SLC17A2: variants seen among roughly 807,000 people sequenced by gnomAD.
SLC17A2 encodes sodium-dependent phosphate transport protein 3.
SLC17A2 carries 38 observed loss-of-function variants against 52.1 expected under a neutral mutation model. The observed-to-expected ratio is 0.73, with a 90% CI of 0.56 to 0.96. The LOEUF (loss-of-function observed/expected upper bound fraction) is 0.96. SLC17A2 is among the 40% of genes least tolerant of loss of function. SLC17A2 has a pLI of 0.00. For missense variants in SLC17A2, 508 were observed against 583.9 expected, an observed-to-expected ratio of 0.87 and a Z score of 1.34; for synonymous variants, 226 against 211.9, an observed-to-expected ratio of 1.07 and a Z score of -0.58.
At position 25,916,665 on chromosome 6, in the gene SLC17A2, A is replaced by T; in HGVS notation, c.930+20T>A. On this transcript the variant is annotated intron_variant, in intron 8 of 11. Coordinates refer to ENST00000377850, the MANE Select transcript of SLC17A2 (RefSeq NM_001286123.3). ...TTATTACCATTATCATTTTCGTAGA[A>T]GTATAGGAAGTAAACTCACATCTCT... 6.3e-7 allele frequency: 1 copy of T among 1,591,738 alleles called. No individual in the cohort carries two copies. Among genetic ancestry groups the T allele is most frequent in the South Asian group, 1.1e-5 (1 of 90,522 alleles).
chr6:25,915,098 G>A (rs892746263), intron 10 of SLC17A2, among the ~76,000 whole-genome samples: 2 of 142,694 alleles, frequency 1.4e-5, no homozygotes, highest in African/African-American at 5.2e-5. Flanking sequence ...GTGAGGATTA[G>A]ATGTGTTGAT....
chr6:25,922,917 C>T (rs1437254877), intron 3 of SLC17A2, among the ~76,000 whole-genome samples: 1 of 152,130 alleles, frequency 6.6e-6, no homozygotes, highest in East Asian at 1.9e-4. Context: ...ACAGCAGAGC[C>T]TGGCACAGTG....
intron 1 of SLC17A2, among the ~76,000 whole-genome samples, chr6:25,927,390 T>G (rs1361579356): frequency 1.3e-5 from 2 of 152,208 alleles, no homozygotes; most frequent in East Asian, 3.9e-4. Flanking sequence ...AGAAAAATGC[T>G]AGTACTCTAG....
intron 8 of SLC17A2, among the ~76,000 whole-genome samples, chr6:25,916,431 T>C (rs544971600): frequency 1.3e-5 from 2 of 152,272 alleles, no homozygotes; most frequent in South Asian, 2.1e-4. Flanking sequence ...TGTGGTAGTA[T>C]AGCATAGTGG....
chr6:25,923,186 C>T (rs1283923514), intron 3 of SLC17A2, among the ~76,000 whole-genome samples: 8 of 150,062 alleles, frequency 5.3e-5, no homozygotes, highest in Non-Finnish European at 9.0e-5. Flanking sequence ...GACTCTATCT[C>T]AAAAAACAAA....
intron 10 of SLC17A2, among the ~76,000 whole-genome samples, chr6:25,915,177 A>ATGTATATATATATATATATATATATATG (rs373318867): frequency 9.3e-6 from 1 of 108,028 alleles, no homozygotes; most frequent in South Asian, 2.8e-4. Context: ...ATATATATAT[A>ATGTATATATATATATATATATATATATG]TGGTAGCTAA....
In SLC17A2 at chr6:25,923,880, C is replaced by T; in HGVS notation, c.55G>A (p.Gly19Arg). ...KGPDFCSLRY[G>R]LALIMHFSNF... ...GAGAAGTGCATGATAAGAGCCAGCC[C>T]ATAGCGTAATGAACAGAAATCTGGA... Residue 19 changes from glycine (G) to arginine (R), a missense_variant, in exon 3 of 12, where the codon GGG becomes AGG. Coordinates refer to ENST00000377850, the MANE Select transcript of SLC17A2 (RefSeq NM_001286123.3). 2 of 1,614,158 alleles carry T rather than the reference C, an allele frequency of 1.2e-6. No homozygotes were observed. The highest frequency in any genetic ancestry group is 1.7e-6 in the Non-Finnish European group (2 of 1,180,040).
chr6:25,930,352 T>C lies in SLC17A2; in HGVS notation c.-159A>G, dbSNP rs1306646111. 1 of 152,228 alleles carries C rather than the reference T, an allele frequency of 6.6e-6. No homozygotes were observed. The highest frequency in any genetic ancestry group is 1.5e-5 in the Non-Finnish European group (1 of 68,058). 9.4% of individuals were successfully genotyped at this position (152,228 alleles called of 1,614,324 possible). ...GCTTCTCAAGCCTTGCCCTAGGGTC[T>C]TCATTGAATCAGTTATCTTTTTCAG... On this transcript the variant is annotated 5_prime_UTR_variant, in exon 1 of 12. Coordinates refer to ENST00000377850, the MANE Select transcript of SLC17A2 (RefSeq NM_001286123.3).
intron 11 of SLC17A2, 32 bp from the exon 12 acceptor site, chr6:25,913,483 C>G: frequency 6.2e-7 from 1 of 1,608,182 alleles, no homozygotes; most frequent in Non-Finnish European, 8.5e-7. Context: ...AATGATCAAT[C>G]TCACAAGTTC....
Position 25,918,474 on chromosome 6 carries a change from G to C in SLC17A2, c.649+13C>G, listed in dbSNP as rs765963909. 5 of 1,592,556 alleles carry C rather than the reference G, an allele frequency of 3.1e-6. No homozygotes were observed. In the East Asian group the frequency reaches 8.9e-5, roughly 28 times the overall value. Reference sequence around the variant, plus strand: ...GAAATGGAGGCGTTAGGATTTAAGAGAAAGTGACTCACCAAAGATGTAGAA... The same window carrying C: ...GAAATGGAGGCGTTAGGATTTAAGACAAAGTGACTCACCAAAGATGTAGAA... On this transcript the variant is annotated intron_variant, in intron 6 of 11. Coordinates refer to ENST00000377850, the MANE Select transcript of SLC17A2 (RefSeq NM_001286123.3).
intron 11 of SLC17A2, 52 bp downstream of exon 11, chr6:25,914,528 A>G (rs1766226573): frequency 8.6e-7 from 1 of 1,159,470 alleles, no homozygotes; most frequent in African/African-American, 1.5e-5. Flanking sequence ...GTGTATCTCC[A>G]ACACCTAAAA....
chr6:25,916,877 T>C, intron 7 of SLC17A2, 31 bp from the exon 8 acceptor site: 2 of 1,613,718 alleles, frequency 1.2e-6, no homozygotes, highest in South Asian at 1.1e-5. Context: ...AGCATGAGTA[T>C]TAGAGCAGCC....
chr6:25,929,708 C>T (rs952656732), intron 1 of SLC17A2, among the ~76,000 whole-genome samples: 1 of 152,174 alleles, frequency 6.6e-6, no homozygotes, highest in African/African-American at 2.4e-5. Context: ...CTTAGCTGTA[C>T]AATGAGGGCA....
rs771600206 is a variant in SLC17A2 at position 25,915,784 on chromosome 6, T to G, written c.1015A>C (p.Arg339=). 65 of 1,614,048 alleles carry G rather than the reference T, an allele frequency of 4.0e-5. No individual in the cohort carries two copies. The highest frequency in any genetic ancestry group is 4.6e-5 in the Non-Finnish European group (54 of 1,180,016). Residue 339 remains arginine (R), a synonymous_variant, in exon 9 of 12, where the codon AGG becomes CGG. Coordinates refer to ENST00000377850, the MANE Select transcript of SLC17A2 (RefSeq NM_001286123.3). ...ACAGTGATCAATCTGAGAAGATTCC[T>G]GGACAAAAGGAAATCTGCCAGCTGA... ...GGQLADFLLS[R]NLLRLITVRK...
chr6:25,929,742 C>T (rs982169734), intron 1 of SLC17A2, among the ~76,000 whole-genome samples: 4 of 152,120 alleles, frequency 2.6e-5, no homozygotes, highest in South Asian at 2.1e-4. Context: ...TCTCTACAAG[C>T]GTACAATTTT....
At chr6:25,928,382 T>A (rs1054125803) in intron 1 of SLC17A2, among the ~76,000 whole-genome samples, 3 of 152,128 alleles carry the variant, frequency 2.0e-5, no homozygotes, top group Non-Finnish European at 2.9e-5. Flanking sequence ...TACTTTTAGG[T>A]TGAGCTTTGA....
intron 1 of SLC17A2, among the ~76,000 whole-genome samples, chr6:25,929,703 C>T (rs550142629): frequency 6.6e-6 from 1 of 152,178 alleles, no homozygotes; most frequent in African/African-American, 2.4e-5. Context: ...CTTTTCTTAG[C>T]TGTACAATGA....
intron 1 of SLC17A2, among the ~76,000 whole-genome samples, chr6:25,927,805 C>T (rs2151560756): frequency 6.6e-6 from 1 of 152,232 alleles, no homozygotes; most frequent in Middle Eastern, 3.4e-3. Flanking sequence ...AGGACAGATA[C>T]TGGTTGTTGC....
chr6:25,927,010 G>A (rs1207503516), intron 1 of SLC17A2, among the ~76,000 whole-genome samples: 1 of 152,228 alleles, frequency 6.6e-6, no homozygotes, highest in Non-Finnish European at 1.5e-5. Context: ...AGGTTGCAGT[G>A]AGCCAAGATC....
Sources: gnomAD v4.1 joint callset for allele counts (sites outside exome capture counted in the v4.1 genomes callset) on GRCh38, gnomAD v4.1.1 for gene constraint, MANE v1.5 for transcripts, NCBI Gene and HGNC (gene_info 2026-07-23, HGNC 2026-07-21) for gene names.